The following DPP10 variants were observed in gnomAD, a reference collection of about 807,000 sequenced individuals.
The protein encoded by DPP10 is dipeptidyl peptidase like 10, also known as inactive dipeptidyl peptidase 10.
DPP10 carries 33 observed loss-of-function variants against 120.9 expected under a neutral mutation model. The observed-to-expected ratio is 0.27, with a 90% CI of 0.21 to 0.37. The LOEUF is 0.37. Among genes scored for constraint, DPP10 ranks in the 10% least tolerant of loss-of-function variants. DPP10 has a pLI of 1.00. For synonymous variants in DPP10, 337 were observed against 326.1 expected (o/e 1.03, Z -0.36); for missense variants, 816 against 942.8 (o/e 0.87, Z 1.76).
intron 5 of DPP10, among the ~76,000 whole-genome samples, chr2:115,551,087 G>C (rs2079843014): frequency 1.3e-5 from 2 of 152,078 alleles, no homozygotes; most frequent in African/African-American, 4.8e-5. Flanking sequence ...GTAACCATTG[G>C]TTCACTCTCA....
At chr2:114,653,925 AT>A (rs1321390115) in intron 1 of DPP10, among the ~76,000 whole-genome samples, 1 of 152,068 alleles carries the variant, frequency 6.6e-6, no homozygotes, top group Non-Finnish European at 1.5e-5. Context: ...GCTTTTCTAG[AT>A]AGGCATCTAG....
chr2:115,820,233 G>T (rs546781483), intron 21 of DPP10, among the ~76,000 whole-genome samples: 10 of 152,176 alleles, frequency 6.6e-5, no homozygotes, highest in African/African-American at 2.4e-4. Context: ...CCAAAGAATT[G>T]ATCAGGATAA....
At chr2:115,701,131 C>T (rs1454924311) in intron 7 of DPP10, among the ~76,000 whole-genome samples, 1 of 151,794 alleles carries the variant, frequency 6.6e-6, no homozygotes, top group Non-Finnish European at 1.5e-5. Flanking sequence ...TTCAAGTATC[C>T]GAAACATTTG....
intron 3 of DPP10, among the ~76,000 whole-genome samples, chr2:115,489,903 C>T (rs1046213510): frequency 2.0e-5 from 3 of 152,102 alleles, no homozygotes; most frequent in Admixed American, 1.3e-4. Flanking sequence ...TCTATTCTCT[C>T]TGAGGCTTCA....
At chr2:115,315,927 AAC>A (rs1241144523) in intron 2 of DPP10, among the ~76,000 whole-genome samples, 2 of 152,114 alleles carry the variant, frequency 1.3e-5, no homozygotes, top group Admixed American at 6.5e-5. Context: ...ACGGAATAAA[AAC>A]AGTTACTTTT....
In DPP10 at chr2:114,557,274, G is replaced by A. The variant is rs547391262; in HGVS notation, c.60+114436G>A. Among the ~76,000 whole-genome samples, 4 of 152,292 alleles carry A rather than the reference G, an allele frequency of 2.6e-5. No individual in the cohort carries two copies. In the East Asian group the frequency reaches 7.7e-4, roughly 29 times the overall value. On this transcript the variant is annotated intron_variant, in intron 1 of 25. Coordinates refer to ENST00000410059, the MANE Select transcript of DPP10 (RefSeq NM_020868.6). ...TCTCATGGTTTGTCTTTAACCCACA[G>A]GTAGTGAGCAAGCCATTTGCTCTCA...
chr2:114,703,217 C>CA (rs796889141), intron 1 of DPP10, among the ~76,000 whole-genome samples: 2 of 151,388 alleles, frequency 1.3e-5, no homozygotes, highest in South Asian at 2.1e-4. Context: ...CATTCTTTTT[C>CA]AAAAAAAATA....
At chr2:114,996,298 G>A (rs1412382279) in intron 1 of DPP10, among the ~76,000 whole-genome samples, 6 of 151,990 alleles carry the variant, frequency 3.9e-5, no homozygotes, top group Admixed American at 6.5e-5. Flanking sequence ...TGTAAATCAC[G>A]TTCTACTTTC....
intron 1 of DPP10, among the ~76,000 whole-genome samples, chr2:114,501,308 G>C (rs1683157645): frequency 6.6e-6 from 1 of 152,176 alleles, no homozygotes; most frequent in Non-Finnish European, 1.5e-5. Context: ...ACCTGTCCAA[G>C]TAGCAATGGT....
Position 115,777,240 on chromosome 2 carries a change from G to C in DPP10, c.1254G>C (p.Leu418=). ...GTGAGCAAATTACCGTGCGGCATCT[G>C]ACATCAGGAAACTGGGAAGTGATAA... The part of the protein sequence containing the change: ...SKSEQITVRH[L]TSGNWEVIKI... Residue 418 remains leucine, a synonymous_variant, in exon 14 of 26, where the codon CTG becomes CTC. Coordinates refer to ENST00000410059, the MANE Select transcript of DPP10 (RefSeq NM_020868.6). 2 of 1,613,124 alleles carry C rather than the reference G, an allele frequency of 1.2e-6. No homozygotes were observed. The highest frequency in any genetic ancestry group is 1.7e-6 in the Non-Finnish European group (2 of 1,179,340).
chr2:115,771,679 A>G (rs7603307), intron 13 of DPP10, among the ~76,000 whole-genome samples: 69,728 of 151,896 alleles, frequency 0.46, 18,021 homozygotes, highest in East Asian at 0.66. Flanking sequence ...GCTGTGCTAC[A>G]TGATTCTACT....
intron 1 of DPP10, among the ~76,000 whole-genome samples, chr2:114,565,840 G>C (rs1185764599): frequency 1.3e-5 from 2 of 152,194 alleles, no homozygotes; most frequent in African/African-American, 2.4e-5. Flanking sequence ...GTCAGGTGCA[G>C]TGCTAGGCAC....
At chr2:115,226,256 T>A (rs904326427) in intron 1 of DPP10, among the ~76,000 whole-genome samples, 2 of 152,182 alleles carry the variant, frequency 1.3e-5, no homozygotes. Flanking sequence ...GTTTGATATG[T>A]TCTTTATTAA....
intron 1 of DPP10, among the ~76,000 whole-genome samples, chr2:115,109,587 G>A (rs968972177): frequency 2.0e-5 from 3 of 152,072 alleles, no homozygotes; most frequent in African/African-American, 7.2e-5. Flanking sequence ...TGATGGTGAC[G>A]TACAAAGAAA....
At chr2:114,668,115 G>T (rs567808730) in intron 1 of DPP10, among the ~76,000 whole-genome samples, 1 of 151,982 alleles carries the variant, frequency 6.6e-6, no homozygotes, top group South Asian at 2.1e-4. Context: ...GAAGAGATTT[G>T]TTATGGGAAT....
chr2:115,518,024 G>C (rs536595902), intron 4 of DPP10, among the ~76,000 whole-genome samples: 1 of 152,312 alleles, frequency 6.6e-6, no homozygotes, highest in South Asian at 2.1e-4. Context: ...AGATAACATG[G>C]TGAGAAAGGA....
intron 21 of DPP10, among the ~76,000 whole-genome samples, chr2:115,816,564 A>G (rs1687248551): frequency 6.6e-6 from 1 of 152,092 alleles, no homozygotes; most frequent in Non-Finnish European, 1.5e-5. Flanking sequence ...ACAGTGGGAA[A>G]ATAGACCTCA....
intron 1 of DPP10, among the ~76,000 whole-genome samples, chr2:114,848,157 C>T (rs1405761119): frequency 6.6e-6 from 1 of 152,128 alleles, no homozygotes; most frequent in Non-Finnish European, 1.5e-5. Context: ...ATAGATGAAT[C>T]TGGCCAACAA....
intron 1 of DPP10, among the ~76,000 whole-genome samples, chr2:115,152,725 T>C (rs1248588686): frequency 1.3e-5 from 2 of 152,184 alleles, no homozygotes; most frequent in Non-Finnish European, 2.9e-5. Context: ...TTTGGAAAGA[T>C]GCCTGGAAGT....
Sources: gnomAD v4.1 joint callset for allele counts (sites outside exome capture counted in the v4.1 genomes callset) on GRCh38, gnomAD v4.1.1 for gene constraint, MANE v1.5 for transcripts, NCBI Gene and HGNC (gene_info 2026-07-23, HGNC 2026-07-21) for gene names.